The following PLCL1 variants were observed in gnomAD, a reference collection of about 807,000 sequenced individuals.
PLCL1 encodes the protein inactive phospholipase C-like protein 1.
A neutral mutation model predicts 84.4 loss-of-function variants in PLCL1; 41 were observed. That is an observed-to-expected ratio of 0.49 (90% CI 0.38 to 0.63). The LOEUF (loss-of-function observed/expected upper bound fraction) is 0.63. Ranked by LOEUF, PLCL1 falls within the 30% of genes least tolerant of loss-of-function variation. PLCL1 has a pLI of 0.00. For missense variants in PLCL1, 1,206 were observed against 1,367.8 expected, an observed-to-expected ratio of 0.88 and a Z score of 1.87; for synonymous variants, 490 against 488.3, an observed-to-expected ratio of 1.00 and a Z score of -0.05.
chr2:197,922,669 C>A (rs1408841921), intron 1 of PLCL1, among the ~76,000 whole-genome samples: 1 of 126,226 alleles, frequency 7.9e-6, no homozygotes, highest in Non-Finnish European at 1.7e-5. Flanking sequence ...CCACCTCCCT[C>A]CCGGACGGGG....
intron 1 of PLCL1, among the ~76,000 whole-genome samples, chr2:197,949,672 A>G (rs1464209): frequency 0.72 from 109,269 of 151,902 alleles, 40,232 homozygotes; most frequent in African/African-American, 0.87. Flanking sequence ...ACAGAGGGAA[A>G]GGGGAGGAGA....
chr2:197,850,346 G>A (rs1687210452), intron 1 of PLCL1, among the ~76,000 whole-genome samples: 1 of 152,098 alleles, frequency 6.6e-6, no homozygotes, highest in Non-Finnish European at 1.5e-5. Context: ...GTGCTTTTTG[G>A]AACATACGAA....
chr2:197,939,641 T>A (rs181607748), intron 1 of PLCL1, among the ~76,000 whole-genome samples: 54 of 151,904 alleles, frequency 3.6e-4, no homozygotes, highest in Non-Finnish European at 5.4e-4. Context: ...CCTAATGACC[T>A]CTTTTTACCT....
At chr2:198,024,365 C>T (rs1050058920) in intron 1 of PLCL1, among the ~76,000 whole-genome samples, 2 of 151,936 alleles carry the variant, frequency 1.3e-5, no homozygotes, top group African/African-American at 4.8e-5. Flanking sequence ...CCTGCACGTT[C>T]TGCACATTGT....
intron 3 of PLCL1, 79 bp from the exon 4 acceptor site, chr2:198,101,206 G>A: frequency 1.2e-6 from 1 of 806,508 alleles, no homozygotes; most frequent in Non-Finnish European, 2.1e-6. Flanking sequence ...TATCATGTGG[G>A]TCTCTCTGTA....
At chr2:197,871,415 C>G (rs777988866) in intron 1 of PLCL1, among the ~76,000 whole-genome samples, 1 of 152,064 alleles carries the variant, frequency 6.6e-6, no homozygotes, top group Non-Finnish European at 1.5e-5. Flanking sequence ...GTTGAAACGC[C>G]TGAGGTTCTT....
In PLCL1 at chr2:198,041,757, C is replaced by A. The variant is rs10206714; in HGVS notation, c.241-42001C>A. Among the ~76,000 whole-genome samples the A allele has an allele frequency of 4.3e-4, 65 of 151,966 alleles. 1 individual carries two copies. Among genetic ancestry groups the A allele is most frequent in the Non-Finnish European group, 8.4e-4 (57 of 67,968 alleles). ...AATGTGTCATTGAATAGGTCGGATA[C>A]GAACATAGCCATGAAACATAAATAG... On this transcript the variant is annotated intron_variant, in intron 1 of 5. Transcript: ENST00000428675.
intron 1 of PLCL1, among the ~76,000 whole-genome samples, chr2:197,972,575 A>C (rs1450553195): frequency 6.6e-6 from 1 of 152,178 alleles, no homozygotes; most frequent in Non-Finnish European, 1.5e-5. Context: ...AAAATGTACA[A>C]AATATAAGGT....
intron 1 of PLCL1, among the ~76,000 whole-genome samples, chr2:197,848,002 AT>A (rs1279674815): frequency 2.6e-5 from 4 of 152,240 alleles, no homozygotes; most frequent in Non-Finnish European, 5.9e-5. Flanking sequence ...AGCTAAAAAA[AT>A]AAAACTATAA....
intron 1 of PLCL1, among the ~76,000 whole-genome samples, chr2:197,897,697 C>T (rs1408427754): frequency 1.3e-5 from 2 of 152,206 alleles, no homozygotes; most frequent in East Asian, 3.9e-4. Flanking sequence ...TTCTGGATGT[C>T]AGGTGAATAT....
At chr2:197,908,077 G>A (rs1049501833) in intron 1 of PLCL1, among the ~76,000 whole-genome samples, 2 of 152,158 alleles carry the variant, frequency 1.3e-5, no homozygotes, top group African/African-American at 4.8e-5. Context: ...AAGAAGATGA[G>A]TATAAGACAT....
intron 1 of PLCL1, among the ~76,000 whole-genome samples, chr2:197,942,930 G>A (rs192118599): frequency 2.0e-5 from 3 of 152,260 alleles, no homozygotes; most frequent in African/African-American, 7.2e-5. Context: ...TATCAAGCCA[G>A]GTGTAGTGGC....
intron 3 of PLCL1, among the ~76,000 whole-genome samples, chr2:198,091,146 A>T (rs1013127051): frequency 2.0e-5 from 3 of 152,200 alleles, no homozygotes; most frequent in Non-Finnish European, 4.4e-5. Context: ...CCACATGGTA[A>T]ACTTGGTAGA....
chr2:198,122,279 C>T (rs1693886392), intron 5 of PLCL1, among the ~76,000 whole-genome samples: 1 of 152,090 alleles, frequency 6.6e-6, no homozygotes, highest in Non-Finnish European at 1.5e-5. Context: ...GACACTTTAA[C>T]TCCCTTTAGG....
At position 197,847,833 on chromosome 2, in the gene PLCL1, G is replaced by A. The variant is rs1393506624; in HGVS notation, c.240+42494G>A. On this transcript the variant is annotated intron_variant, in intron 1 of 5. Coordinates refer to ENST00000428675, the MANE Select transcript of PLCL1 (RefSeq NM_006226.4). ...CTGAAATGCCAAGCTGCATGTGACA[G>A]TAGAAGAGTTGGCAGTATCTGTCTT... Among the ~76,000 whole-genome samples the A allele has an allele frequency of 3.3e-5, 5 of 152,322 alleles. No homozygotes were observed. The South Asian group carries it at 6.2e-4, about 19-fold the overall frequency.
In PLCL1 at chr2:197,805,131, C is replaced by T. The variant is rs1414733859; in HGVS notation, c.32C>T (p.Pro11Leu). Reference protein sequence around the residue: MAEGAAGREDPAPPDAAGGED... With the variant: MAEGAAGREDLAPPDAAGGED... ...GAGGGCGCGGCCGGCAGGGAGGATC[C>T]GGCGCCGCCCGACGCGGCGGGGGGC... is the stretch of plus-strand genomic sequence containing the variant. Residue 11 changes from proline (P) to leucine (L), a missense_variant, in exon 1 of 6, where the codon CCG becomes CTG. Transcript: ENST00000428675. The surrounding 1 kb of genome is among the most constrained non-coding windows in gnomAD (Gnocchi z 4.0). 3 of 1,313,492 alleles carry T rather than the reference C, an allele frequency of 2.3e-6. No homozygotes were observed. Among genetic ancestry groups the T allele is most frequent in the South Asian group, 2.1e-5 (1 of 46,656 alleles). The allele number at this position is 1,313,492 out of a possible 1,614,324, so 81.4% of individuals were successfully genotyped here.
At chr2:197,809,898 T>A (rs1169774148) in intron 1 of PLCL1, among the ~76,000 whole-genome samples, 2 of 151,952 alleles carry the variant, frequency 1.3e-5, no homozygotes, top group Admixed American at 1.3e-4. Flanking sequence ...AGTTAAAAAT[T>A]TTAGGCACTC....
intron 1 of PLCL1, among the ~76,000 whole-genome samples, chr2:197,934,090 A>G (rs778254022): frequency 4.6e-5 from 7 of 152,206 alleles, no homozygotes; most frequent in Non-Finnish European, 8.8e-5. Flanking sequence ...GTCATTCAAT[A>G]TTAGCAGCTA....
chr2:197,938,608 C>T (rs1006706811), intron 1 of PLCL1, among the ~76,000 whole-genome samples: 2 of 152,170 alleles, frequency 1.3e-5, no homozygotes, highest in African/African-American at 4.8e-5. Context: ...TTGTTGCCAT[C>T]TCCTACCAGC....
Sources: gnomAD v4.1 joint callset for allele counts (sites outside exome capture counted in the v4.1 genomes callset) on GRCh38, gnomAD v4.1.1 for gene constraint, Gnocchi (gnomAD v3.1) non-coding constraint, MANE v1.5 for transcripts, NCBI Gene and HGNC (gene_info 2026-07-23, HGNC 2026-07-21) for gene names.